The following WDR86 variants were observed in gnomAD, a reference collection of about 807,000 sequenced individuals.
The protein encoded by WDR86 is WD repeat-containing protein 86.
Under a neutral mutation model 36.5 loss-of-function variants are expected in WDR86, and 30 were observed. That is an observed-to-expected ratio of 0.82 (90% confidence interval 0.61 to 1.11). The LOEUF is 1.11. WDR86 is among the 50% of genes most tolerant of loss of function. The pLI, the probability that WDR86 is intolerant of heterozygous loss-of-function variation, is 0.00. For missense variants in WDR86, 545 were observed against 561.2 expected, an observed-to-expected ratio of 0.97 and a Z score of 0.29; for synonymous variants, 255 against 252.9, an observed-to-expected ratio of 1.01 and a Z score of -0.08.
intron 1 of WDR86, among the ~76,000 whole-genome samples, chr7:151,402,070 A>AAAAAAATATATATATATATATATATAT: frequency 4.0e-5 from 2 of 50,526 alleles, no homozygotes; most frequent in Non-Finnish European, 6.7e-5. Flanking sequence ...AAAAAAAAAA[A>AAAAAAATATATATATATATATATATAT]ATATATATAT....
chr7:151,402,929 C>T (rs1284896139), intron 1 of WDR86, among the ~76,000 whole-genome samples: 2 of 152,138 alleles, frequency 1.3e-5, no homozygotes, highest in African/African-American at 2.4e-5. Flanking sequence ...ACAGTTGTCC[C>T]CCAATATATA....
At chr7:151,374,652 C>A (rs79418595), downstream of WDR86, 5,983 of 224,886 alleles carry the variant, frequency 0.027, 367 homozygotes, top group African/African-American at 0.13. Context: ...TTTAGTCCAT[C>A]GTACATGTTG....
In WDR86 at chr7:151,400,139, C is replaced by A; in HGVS notation, c.266G>T (p.Cys89Phe). 2 of 1,612,008 alleles carry A rather than the reference C, an allele frequency of 1.2e-6. No individual in the cohort carries two copies. The highest frequency in any genetic ancestry group is 1.7e-6 in the Non-Finnish European group (2 of 1,179,120). Residue 89 changes from cysteine to phenylalanine, a missense_variant, in exon 2 of 6, where the codon TGT (cysteine) becomes TTT (phenylalanine). Coordinates refer to ENST00000334493, the MANE Select transcript of WDR86 (RefSeq NM_198285.3). ...CGTGTGTCCTCGGTACACCTGCAGA[C>A]ACTGCCCGGTCAGCACGTCCCACCT... ...IRRWDVLTGQ[C>F]LQVYRGHTSI...
In WDR86 at chr7:151,381,162, G is replaced by A; in HGVS notation, c.*420C>T. Reference sequence around the variant, plus strand: ...GCTGTATATTTCAGTTCCCCCCAAGGCCCTCGAGACGGACGATTTGCCAAA... The same window carrying A: ...GCTGTATATTTCAGTTCCCCCCAAGACCCTCGAGACGGACGATTTGCCAAA... On this transcript the variant is annotated 3_prime_UTR_variant, in exon 6 of 6. Transcript: ENST00000334493. This position sits in a 1 kb window ranked among gnomAD's most constrained non-coding sequence, Gnocchi z 4.8. The A allele has an allele frequency of 8.0e-7, 1 of 1,249,378 alleles. No individual in the cohort carries two copies. The highest frequency in any genetic ancestry group is 3.6e-5 in the South Asian group (1 of 27,486). 77.4% of individuals were successfully genotyped at this position (1,249,378 alleles called of 1,614,324 possible).
downstream of WDR86, chr7:151,377,280 A>C (rs2150730396): frequency 8.5e-7 from 1 of 1,176,004 alleles, no homozygotes; most frequent in East Asian, 2.8e-5. Flanking sequence ...CATTATGAAA[A>C]GGCTAATGCA....
downstream of WDR86, among the ~76,000 whole-genome samples, chr7:151,370,920 C>T (rs1797929897): frequency 6.6e-6 from 1 of 152,092 alleles, no homozygotes; most frequent in Non-Finnish European, 1.5e-5. Context: ...GACTATAGTT[C>T]ATAAAACATT....
downstream of WDR86, among the ~76,000 whole-genome samples, chr7:151,371,664 G>C (rs1300609610): frequency 3.3e-5 from 5 of 152,214 alleles, no homozygotes; most frequent in Non-Finnish European, 5.9e-5. Context: ...CGGAGCTTTA[G>C]ATGAGCAAGA....
chr7:151,397,714 A>G lies in WDR86; in HGVS notation c.306-1518T>C, dbSNP rs1317279377. On this transcript the variant is annotated intron_variant, in intron 2 of 5. Coordinates refer to ENST00000334493, the MANE Select transcript of WDR86 (RefSeq NM_198285.3). ...AAGAGGGTGTAGTGGGAGGAAGGGC[A>G]TAGCGGGAGGAAGAGGGTGTAGCGG... 1.2e-3 allele frequency among the ~76,000 whole-genome samples: 116 copies of G among 94,204 alleles called. 1 individual carries two copies. The highest frequency in any genetic ancestry group is 4.3e-3 in the East Asian group (8 of 1,846). The allele number at this position is 94,204 out of a possible 152,430, so 61.8% of individuals were successfully genotyped here. A position where few individuals can be genotyped will look rare whatever the true frequency, so the allele number is the denominator to read the frequency against.
chr7:151,381,469 T>TCCTCGCTCCTCGCC lies in WDR86; in HGVS notation c.*99_*112dup. On this transcript the variant is annotated 3_prime_UTR_variant, in exon 6 of 6. Transcript: ENST00000334493. The surrounding 1 kb of genome is among the most constrained non-coding windows in gnomAD (Gnocchi z 4.8). ...GACGGGCTCTCCTCCCGCCCGGGCT[T>TCCTCGCTCCTCGCC]CCTCGCTCCTCGCCCCTCGCCGGCC... The TCCTCGCTCCTCGCC allele has an allele frequency of 6.7e-7, 1 of 1,486,634 alleles. No homozygotes were observed. Among genetic ancestry groups the TCCTCGCTCCTCGCC allele is most frequent in the Non-Finnish European group, 8.9e-7 (1 of 1,126,508 alleles). 92.1% of individuals were successfully genotyped at this position (1,486,634 alleles called of 1,614,324 possible). A position where few individuals can be genotyped will look rare whatever the true frequency, so the allele number is the denominator to read the frequency against.
intron 1 of WDR86, among the ~76,000 whole-genome samples, chr7:151,402,770 C>A (rs1800435925): frequency 6.6e-6 from 1 of 152,204 alleles, no homozygotes; most frequent in Non-Finnish European, 1.5e-5. Context: ...CTGGTTGGGA[C>A]TCTATCTCAT....
At chr7:151,399,638 G>A (rs1476445956) in intron 2 of WDR86, among the ~76,000 whole-genome samples, 1 of 152,236 alleles carries the variant, frequency 6.6e-6, no homozygotes, top group Non-Finnish European at 1.5e-5. Context: ...GAGGGGCTGG[G>A]ATATTTTCCA....
At chr7:151,376,614 A>AC (rs770429500), downstream of WDR86, 4 of 1,581,882 alleles carry the variant, frequency 2.5e-6, no homozygotes, top group South Asian at 2.3e-5. Flanking sequence ...TGATGCTGTG[A>AC]CCCCTGCGCT....
rs949462998 is a variant in WDR86 at position 151,410,031 on chromosome 7, A to G, written c.-442T>C. Reference sequence around the variant, plus strand: ...CGCCCTCCCCGGCCGAGCGCGGAACAATACGGTCCAGCCTGGCTCCTCCTC... The same window carrying G: ...CGCCCTCCCCGGCCGAGCGCGGAACGATACGGTCCAGCCTGGCTCCTCCTC... On this transcript the variant is annotated 5_prime_UTR_variant, in exon 1 of 6. Coordinates refer to ENST00000334493, the MANE Select transcript of WDR86 (RefSeq NM_198285.3). The G allele has an allele frequency of 1.0e-6, 1 of 990,856 alleles. No homozygotes were observed. The highest frequency in any genetic ancestry group is 1.2e-6 in the Non-Finnish European group (1 of 833,990). The allele number at this position is 990,856 out of a possible 1,614,324, so 61.4% of individuals were successfully genotyped here. A position where few individuals can be genotyped will look rare whatever the true frequency, so the allele number is the denominator to read the frequency against.
At chr7:151,387,467 T>C (rs555405406) in intron 3 of WDR86, among the ~76,000 whole-genome samples, 81 of 152,190 alleles carry the variant, frequency 5.3e-4, no homozygotes, top group African/African-American at 1.8e-3. Flanking sequence ...CTGTTCCCTC[T>C]AGCTGGTTTC....
intron 3 of WDR86, among the ~76,000 whole-genome samples, chr7:151,391,551 G>A (rs1799441403): frequency 6.6e-6 from 1 of 152,154 alleles, no homozygotes; most frequent in Non-Finnish European, 1.5e-5. Flanking sequence ...TGAGGGTCCG[G>A]CTGGATTCTG....
At chr7:151,377,434 G>A (rs982156855), downstream of WDR86, 5 of 415,096 alleles carry the variant, frequency 1.2e-5, no homozygotes, top group East Asian at 4.2e-5. Flanking sequence ...GGCGCAGGCC[G>A]TTCCATCTGC....
At chr7:151,407,888 G>A (rs1168178633) in intron 1 of WDR86, among the ~76,000 whole-genome samples, 1 of 152,070 alleles carries the variant, frequency 6.6e-6, no homozygotes, top group African/African-American at 2.4e-5. Context: ...CCCTATTCAT[G>A]GAGGACTGCA....
chr7:151,374,614 T>C (rs1289229128), downstream of WDR86: 1 of 293,024 alleles, frequency 3.4e-6, no homozygotes, highest in East Asian at 7.2e-5. Flanking sequence ...GCATTAAAAT[T>C]TTAAATGTAA....
In WDR86 at chr7:151,400,195, G is replaced by T. The variant is rs1800182825; in HGVS notation, c.210C>A (p.Ala70=). 6.2e-7 allele frequency: 1 copy of T among 1,611,636 alleles called. No homozygotes were observed. The highest frequency in any genetic ancestry group is 8.5e-7 in the Non-Finnish European group (1 of 1,178,972). Residue 70 remains alanine, a synonymous_variant, in exon 2 of 6, where the codon GCC becomes GCA. Transcript: ENST00000334493. ...VTFCQLEDEA[A]FTCSADCTIR... ...TGGTGCAGTCGGCGCTGCATGTGAA[G>T]GCAGCCTCATCCTCCAGCTGGCAGA...
Sources: allele counts gnomAD v4.1 joint callset (sites outside exome capture counted in the v4.1 genomes callset), GRCh38; gene constraint gnomAD v4.1.1; non-coding constraint Gnocchi (gnomAD v3.1); transcripts MANE v1.5; gene names NCBI Gene and HGNC (gene_info 2026-07-23, HGNC 2026-07-21).